CCDC102B: variants seen among roughly 807,000 people sequenced by gnomAD.
CCDC102B encodes the protein coiled-coil domain containing 102B, also known as coiled-coil domain-containing protein 102B.
Under a neutral mutation model 57.4 loss-of-function variants are expected in CCDC102B, and 75 were observed. The observed-to-expected ratio is 1.31, with a 90% CI of 1.08 to 1.58. The LOEUF is 1.58. Ranked by LOEUF, CCDC102B falls within the 40% of genes most tolerant of loss-of-function variation. The probability of loss-of-function intolerance (pLI) is 0.00; values close to 1 mark genes in which losing one functional copy is unlikely to be tolerated. For missense variants in CCDC102B, 636 were observed against 582.6 expected (o/e 1.09, Z -0.94); for synonymous variants, 206 against 201.9 (o/e 1.02, Z -0.17).
chr18:68,880,676 A>G (rs1010345461), intron 5 of CCDC102B, among the ~76,000 whole-genome samples: 4 of 152,352 alleles, frequency 2.6e-5, no homozygotes. Flanking sequence ...TACTTCTTTA[A>G]TGGAGTAAAT....
chr18:69,003,036 C>T (rs756511102), intron 6 of CCDC102B, among the ~76,000 whole-genome samples: 1 of 152,132 alleles, frequency 6.6e-6, no homozygotes, highest in Non-Finnish European at 1.5e-5. Context: ...CACTTTCTAA[C>T]GGAAGTCTGT....
chr18:68,782,464 G>A (rs886759138), intron 2 of CCDC102B, among the ~76,000 whole-genome samples: 1 of 152,068 alleles, frequency 6.6e-6, no homozygotes, highest in South Asian at 2.1e-4. Context: ...AGGAAAGTAT[G>A]CCATGGAAAT....
Position 69,030,813 on chromosome 18 carries a change from C to T in CCDC102B, c.1434+19709C>T, listed in dbSNP as rs572305394. Among the ~76,000 whole-genome samples, 5 of 152,226 alleles carry T rather than the reference C, an allele frequency of 3.3e-5. No individual in the cohort carries two copies. The South Asian group carries it at 1.0e-3, about 32-fold the overall frequency. ...GGGACTACAGGTGTACACCACCACGCCCGGATCATTTTTGTATTTTTAGTA... is the reference window on the plus strand; with the variant it reads ...GGGACTACAGGTGTACACCACCACGTCCGGATCATTTTTGTATTTTTAGTA... On this transcript the variant is annotated intron_variant, in intron 7 of 7. Coordinates refer to ENST00000360242, the MANE Select transcript of CCDC102B (RefSeq NM_024781.3).
At chr18:68,811,483 C>T (rs947938193) in intron 1 of CCDC102B, among the ~76,000 whole-genome samples, 8 of 152,060 alleles carry the variant, frequency 5.3e-5, no homozygotes, top group Middle Eastern at 3.4e-3. Flanking sequence ...GGTGTGGTGG[C>T]GTGCACCTGT....
intron 6 of CCDC102B, among the ~76,000 whole-genome samples, chr18:68,981,877 G>A (rs964750382): frequency 1.3e-5 from 2 of 151,928 alleles, no homozygotes; most frequent in African/African-American, 2.4e-5. Context: ...TGCTCAGAAT[G>A]ATGGTTTCCA....
chr18:68,922,703 A>G (rs2041324634), intron 6 of CCDC102B, among the ~76,000 whole-genome samples: 1 of 151,980 alleles, frequency 6.6e-6, no homozygotes, highest in Non-Finnish European at 1.5e-5. Flanking sequence ...CTTCTCTCCC[A>G]GGTTGCTACT....
chr18:68,970,267 G>T (rs2050267567), intron 6 of CCDC102B, among the ~76,000 whole-genome samples: 1 of 151,948 alleles, frequency 6.6e-6, no homozygotes, highest in Non-Finnish European at 1.5e-5. Flanking sequence ...CCTACTGGAA[G>T]AATATAGCTG....
chr18:68,850,281 AT>A (rs2038062476), intron 4 of CCDC102B, among the ~76,000 whole-genome samples: 1 of 152,084 alleles, frequency 6.6e-6, no homozygotes, highest in East Asian at 1.9e-4. Context: ...ACTTTGGCTT[AT>A]ATTTAAGGGA....
At chr18:68,876,106 G>T (rs1416249758) in intron 5 of CCDC102B, among the ~76,000 whole-genome samples, 1 of 152,168 alleles carries the variant, frequency 6.6e-6, no homozygotes, top group African/African-American at 2.4e-5. Context: ...GCTCTGAGAA[G>T]CATCTTTCAT....
At chr18:68,859,637 C>T (rs868521719) in intron 4 of CCDC102B, among the ~76,000 whole-genome samples, 6,263 of 41,586 alleles carry the variant, frequency 0.15, 1,808 homozygotes, top group Non-Finnish European at 0.28. Context: ...AAAAAGTGGG[C>T]GAAGGATATG....
intron 5 of CCDC102B, among the ~76,000 whole-genome samples, chr18:68,880,265 G>A (rs111743905): frequency 0.025 from 3,743 of 152,096 alleles, 100 homozygotes; most frequent in African/African-American, 0.067. Context: ...GCCCGGGGCC[G>A]GCAGGGCTGG....
chr18:69,046,533 T>C (rs2052571446), intron 7 of CCDC102B, among the ~76,000 whole-genome samples: 1 of 152,130 alleles, frequency 6.6e-6, no homozygotes, highest in South Asian at 2.1e-4. Context: ...ATTTCTCTTA[T>C]TCTGTAGGTT....
At position 68,837,106 on chromosome 18, in the gene CCDC102B, A is replaced by C. The variant is rs772307707; in HGVS notation, c.343A>C (p.Ser115Arg). 6 of 1,614,194 alleles carry C rather than the reference A, an allele frequency of 3.7e-6. No individual in the cohort carries two copies. In the Admixed American group the frequency reaches 1.0e-4, roughly 27 times the overall value. ...KWSKVRAERNSAREEGRQLRI... is the reference protein window; with the variant it reads ...KWSKVRAERNRAREEGRQLRI... ...GAGTAAAGTTCGAGCTGAAAGGAAC[A>C]GTGCCAGGGAGGAAGGAAGACAACT... The change falls in exon 2 of 8, where the codon AGT becomes CGT. Residue 115 changes from serine (S) to arginine (R), a missense_variant. By Grantham distance (110) the Ser-to-Arg change is moderately radical. Transcript: ENST00000360242.
intron 7 of CCDC102B, among the ~76,000 whole-genome samples, chr18:69,025,634 A>AT (rs1480684884): frequency 6.6e-6 from 1 of 152,170 alleles, no homozygotes; most frequent in South Asian, 2.1e-4. Context: ...CAAAGTTCTA[A>AT]TTTTTTTGTT....
At chr18:68,876,294 GAACA>G (rs2039445032) in intron 5 of CCDC102B, among the ~76,000 whole-genome samples, 1 of 152,158 alleles carries the variant, frequency 6.6e-6, no homozygotes, top group Non-Finnish European at 1.5e-5. Context: ...TGCCTTCAGA[GAACA>G]GCCTTCAGTG....
chr18:69,020,015 A>C (rs2145417141), intron 7 of CCDC102B, among the ~76,000 whole-genome samples: 1 of 151,390 alleles, frequency 6.6e-6, no homozygotes, highest in African/African-American at 2.4e-5. Context: ...CACATGAATT[A>C]ATTCGTGTGT....
intron 2 of CCDC102B, among the ~76,000 whole-genome samples, chr18:68,766,862 G>T (rs761482053): frequency 3.9e-5 from 6 of 152,066 alleles, no homozygotes; most frequent in Non-Finnish European, 8.8e-5. Flanking sequence ...AAATGATACT[G>T]TTTTGAACTT....
At chr18:68,823,024 G>T (rs2036757466) in intron 1 of CCDC102B, among the ~76,000 whole-genome samples, 1 of 152,082 alleles carries the variant, frequency 6.6e-6, no homozygotes, top group Non-Finnish European at 1.5e-5. Flanking sequence ...AAGTACCTCT[G>T]ATTGGTCTGG....
intron 2 of CCDC102B, among the ~76,000 whole-genome samples, chr18:68,740,752 GGCCCCA>G: frequency 6.6e-6 from 1 of 152,046 alleles, no homozygotes; most frequent in East Asian, 1.9e-4. Flanking sequence ...CACTAACCTA[GGCCCCA>G]TTTTAGCCTG....
Sources: gnomAD v4.1 joint callset for allele counts (sites outside exome capture counted in the v4.1 genomes callset) on GRCh38, gnomAD v4.1.1 for gene constraint, MANE v1.5 for transcripts, NCBI Gene and HGNC (gene_info 2026-07-23, HGNC 2026-07-21) for gene names.